The following GLRB variants were observed in gnomAD, a reference collection of about 807,000 sequenced individuals.
GLRB encodes the protein glycine receptor subunit beta.
Under a neutral mutation model 54.2 loss-of-function variants are expected in GLRB, and 33 were observed. The observed-to-expected ratio is 0.61, with a 90% CI of 0.46 to 0.81. GLRB has a LOEUF of 0.81. Ranked by LOEUF, GLRB falls within the 40% of genes least tolerant of loss-of-function variation. The pLI, the probability that GLRB is intolerant of heterozygous loss-of-function variation, is 0.00. For missense variants in GLRB, 572 were observed against 584.6 expected (o/e 0.98, Z 0.22); for synonymous variants, 209 against 208.2 (o/e 1.00, Z -0.03).
chr4:157,147,755 T>G (rs1736865802), intron 8 of GLRB, among the ~76,000 whole-genome samples: 1 of 152,080 alleles, frequency 6.6e-6, no homozygotes, highest in African/African-American at 2.4e-5. Flanking sequence ...GCAAAATGCA[T>G]TTGCCCCAAA....
At chr4:157,136,276 CAT>C (rs1253882726) in intron 4 of GLRB, 191 bp from the exon 5 acceptor site, 2 of 581,224 alleles carry the variant, frequency 3.4e-6, no homozygotes, top group Non-Finnish European at 6.2e-6. Context: ...AGAGTAATTA[CAT>C]AGAGACAAGT....
intron 8 of GLRB, among the ~76,000 whole-genome samples, chr4:157,145,050 C>CA (rs755496982): frequency 3.9e-5 from 6 of 152,108 alleles, no homozygotes; most frequent in Non-Finnish European, 8.8e-5. Flanking sequence ...TTAGACTTGT[C>CA]AAAAATATAT....
At chr4:157,115,152 T>C (rs1382316259) in intron 2 of GLRB, among the ~76,000 whole-genome samples, 2 of 151,852 alleles carry the variant, frequency 1.3e-5, no homozygotes, top group East Asian at 1.9e-4. Flanking sequence ...TATAATACAA[T>C]ACTACTTTAT....
chr4:157,141,467 G>A (rs1339251301), intron 7 of GLRB, among the ~76,000 whole-genome samples: 1 of 151,810 alleles, frequency 6.6e-6, no homozygotes, highest in Non-Finnish European at 1.5e-5. Flanking sequence ...AGTTTGTATA[G>A]AAATAATAAT....
In GLRB at chr4:157,143,935, G is replaced by A. The variant is rs1560967306; in HGVS notation, c.880G>A (p.Ala294Thr). 1.3e-5 allele frequency: 21 copies of A among 1,614,020 alleles called. No homozygotes were observed. Among genetic ancestry groups the A allele is most frequent in the East Asian group, 2.2e-5 (1 of 44,876 alleles). ...SWLSFWINPD[A>T]SAARVPLGIF... ...GCTTTCCTTCTGGATCAACCCGGAC[G>A]CGAGTGCTGCCAGAGTGCCCCTGGG... The change falls in exon 8 of 10, where the codon GCG (alanine) becomes ACG (threonine). Residue 294 changes from alanine to threonine, a missense_variant. By Grantham distance (58) the Ala-to-Thr change is moderately conservative (BLOSUM62 0). Coordinates refer to ENST00000264428, the MANE Select transcript of GLRB (RefSeq NM_000824.5).
chr4:157,127,728 G>T (rs991159902), intron 4 of GLRB, among the ~76,000 whole-genome samples: 1 of 151,788 alleles, frequency 6.6e-6, no homozygotes, highest in Admixed American at 6.6e-5. Context: ...GCAAGGAAGG[G>T]ACCATGACTT....
intron 9 of GLRB, among the ~76,000 whole-genome samples, chr4:157,165,318 G>A (rs1368715346): frequency 2.0e-5 from 3 of 151,932 alleles, no homozygotes; most frequent in African/African-American, 7.2e-5. Flanking sequence ...AATGAAAAAT[G>A]TAATTAAACT....
chr4:157,107,237 C>A lies in GLRB; in HGVS notation c.123-13319C>A, dbSNP rs77795065. 9.7e-3 allele frequency among the ~76,000 whole-genome samples: 1,469 copies of A among 152,170 alleles called. 14 individuals are homozygous for A. Among genetic ancestry groups the A allele is most frequent in the Non-Finnish European group, 0.016 (1,113 of 67,996 alleles). ...ACATTGAAATTAGGCCAATTAATAT[C>A]TCTACAATTGTCTCTAAGTTTTCAG... On this transcript the variant is annotated intron_variant, in intron 2 of 9. Transcript: ENST00000264428.
chr4:157,078,610 A>G (rs191703948), intron 2 of GLRB, among the ~76,000 whole-genome samples: 134 of 152,256 alleles, frequency 8.8e-4, no homozygotes, highest in Non-Finnish European at 1.6e-3. Flanking sequence ...GCAAAAGGAA[A>G]TTCATATGAT....
chr4:157,099,120 T>A (rs751376942), intron 2 of GLRB, among the ~76,000 whole-genome samples: 4 of 152,134 alleles, frequency 2.6e-5, no homozygotes, highest in Non-Finnish European at 5.9e-5. Flanking sequence ...AAGGTCTGTG[T>A]CTGGTCTTAT....
At chr4:157,079,844 T>C (rs1410147155) in intron 2 of GLRB, among the ~76,000 whole-genome samples, 2 of 152,214 alleles carry the variant, frequency 1.3e-5, no homozygotes, top group Non-Finnish European at 2.9e-5. Context: ...TACCTTTTCT[T>C]TGATGAATGT....
intron 4 of GLRB, 64 bp from the exon 5 acceptor site, chr4:157,136,401 TGGGG>T: frequency 2.2e-6 from 2 of 901,078 alleles, no homozygotes; most frequent in Admixed American, 1.9e-5. Context: ...CTTTTTGTTT[TGGGG>T]CCGAATAAGT....
chr4:157,085,749 G>A (rs1466133306), intron 2 of GLRB, among the ~76,000 whole-genome samples: 7 of 151,690 alleles, frequency 4.6e-5, no homozygotes, highest in Non-Finnish European at 7.4e-5. Flanking sequence ...CACCCACCTC[G>A]GCCTCCCAAA....
intron 9 of GLRB, among the ~76,000 whole-genome samples, chr4:157,155,351 A>C (rs180942453): frequency 2.0e-5 from 3 of 152,204 alleles, no homozygotes; most frequent in Non-Finnish European, 4.4e-5. Context: ...GACTGGTCTC[A>C]AATTCCTGGC....
intron 2 of GLRB, 125 bp from the exon 3 acceptor site, chr4:157,120,431 A>G (rs1735769764): frequency 3.0e-6 from 1 of 336,464 alleles, no homozygotes; most frequent in Non-Finnish European, 5.7e-6. Context: ...TAAAAAAAAG[A>G]AGAAAAAGCC....
chr4:157,089,428 C>T (rs922124373), intron 2 of GLRB, among the ~76,000 whole-genome samples: 5 of 152,106 alleles, frequency 3.3e-5, no homozygotes, highest in South Asian at 2.1e-4. Flanking sequence ...AATGAAGATA[C>T]GAATTTTATT....
chr4:157,161,079 T>C (rs1309378576), intron 9 of GLRB, among the ~76,000 whole-genome samples: 1 of 152,204 alleles, frequency 6.6e-6, no homozygotes, highest in East Asian at 1.9e-4. Flanking sequence ...CCCTTTACCA[T>C]TATGTAATGG....
chr4:157,079,880 T>A lies in GLRB; in HGVS notation c.122+1734T>A, dbSNP rs78726293. ...TGGGACATTAACACAAACTGTTGTC[T>A]ATGTCATATAGTCACCGTAATTCTA... On this transcript the variant is annotated intron_variant, in intron 2 of 9. Transcript: ENST00000264428. Among the ~76,000 whole-genome samples, 1,130 of 152,316 alleles carry A rather than the reference T, an allele frequency of 7.4e-3. 9 individuals carry two copies. The highest frequency in any genetic ancestry group is 0.012 in the Non-Finnish European group (850 of 68,026).
rs1322966138 is a variant in GLRB at position 157,094,447 on chromosome 4, C to A, written c.122+16301C>A. 2.6e-5 allele frequency among the ~76,000 whole-genome samples: 4 copies of A among 152,234 alleles called. No individual in the cohort carries two copies. In the East Asian group the frequency reaches 7.7e-4, roughly 29 times the overall value. On this transcript the variant is annotated intron_variant, in intron 2 of 9. Coordinates refer to ENST00000264428, the MANE Select transcript of GLRB (RefSeq NM_000824.5). ...CTGCAGTTTATTTTTCTGTTTTGCT[C>A]TTCATAAACATTTGGGTTGTTTCCA...
Sources: gnomAD v4.1 joint callset for allele counts (sites outside exome capture counted in the v4.1 genomes callset) on GRCh38, gnomAD v4.1.1 for gene constraint, MANE v1.5 for transcripts, NCBI Gene and HGNC (gene_info 2026-07-23, HGNC 2026-07-21) for gene names.